Variants in GRM8 observed in about 807,000 individuals in gnomAD.
GRM8 encodes metabotropic glutamate receptor 8.
GRM8 carries 47 observed loss-of-function variants against 87.2 expected under a neutral mutation model. That is an observed-to-expected ratio of 0.54 (90% confidence interval 0.43 to 0.69). The LOEUF (loss-of-function observed/expected upper bound fraction) is 0.69. Among genes scored for constraint, GRM8 ranks in the 30% least tolerant of loss-of-function variants. The probability of loss-of-function intolerance (pLI) is 0.00; values close to 1 mark genes in which losing one functional copy is unlikely to be tolerated. For missense variants in GRM8, 1,019 were observed against 1,139.2 expected, an observed-to-expected ratio of 0.89 and a Z score of 1.52; for synonymous variants, 396 against 404.5, an observed-to-expected ratio of 0.98 and a Z score of 0.25.
chr7:127,223,551 C>G (rs1797103923), intron 2 of GRM8, among the ~76,000 whole-genome samples: 2 of 151,648 alleles, frequency 1.3e-5, no homozygotes, highest in Admixed American at 1.3e-4. Context: ...GTGAGGAGCC[C>G]CAACACCTCC....
Position 127,222,679 on chromosome 7 carries a change from A to C in GRM8, c.510+20016T>G, listed in dbSNP as rs1056188591. On this transcript the variant is annotated intron_variant, in intron 2 of 10. Transcript: ENST00000339582. ...AACTTATAACCTGCTTTGTAACAAT[A>C]ATGGCTATTCATGTATAGTGCCCAA... Among the ~76,000 whole-genome samples, 6 of 152,218 alleles carry C rather than the reference A, an allele frequency of 3.9e-5. No individual in the cohort carries two copies. The East Asian group carries it at 5.8e-4, about 15-fold the overall frequency.
intron 3 of GRM8, among the ~76,000 whole-genome samples, chr7:126,964,886 A>G (rs185805296): frequency 6.6e-6 from 1 of 152,348 alleles, no homozygotes; most frequent in African/African-American, 2.4e-5. Context: ...ACTATTCCCA[A>G]TAGCAAAGAC....
intron 2 of GRM8, among the ~76,000 whole-genome samples, chr7:127,221,857 T>C (rs1439528387): frequency 6.6e-6 from 1 of 152,092 alleles, no homozygotes; most frequent in Admixed American, 6.6e-5. Context: ...AGCCTAGAAG[T>C]CCACTCTTCC....
intron 9 of GRM8, among the ~76,000 whole-genome samples, chr7:126,527,456 G>A (rs746388919): frequency 3.3e-5 from 5 of 152,222 alleles, no homozygotes; most frequent in African/African-American, 4.8e-5. Flanking sequence ...ATACAATGTG[G>A]ATACTGATAA....
Position 126,902,450 on chromosome 7 carries a change from A to G in GRM8, c.1156+92T>C, listed in dbSNP as rs543955388. Reference sequence around the variant, plus strand: ...GACACAAAAAATAGAAAATACATTCATCATTATCCATATAGAAAAACGTAA... The same window carrying G: ...GACACAAAAAATAGAAAATACATTCGTCATTATCCATATAGAAAAACGTAA... On this transcript the variant is annotated intron_variant, in intron 6 of 10. Transcript: ENST00000339582. 3.0e-4 allele frequency: 303 copies of G among 1,024,286 alleles called. 1 individual carries two copies. Among genetic ancestry groups the G allele is most frequent in the Non-Finnish European group, 3.8e-4 (271 of 706,618 alleles). 63.4% of individuals were successfully genotyped at this position (1,024,286 alleles called of 1,614,324 possible).
At chr7:127,143,386 C>A (rs1353706171) in intron 2 of GRM8, among the ~76,000 whole-genome samples, 1 of 152,142 alleles carries the variant, frequency 6.6e-6, no homozygotes, top group Non-Finnish European at 1.5e-5. Context: ...TACTAAATCT[C>A]TTCAGAGATA....
At chr7:126,659,027 G>GCGCCCCGCCCCC (rs1028270209) in intron 7 of GRM8, among the ~76,000 whole-genome samples, 1 of 151,332 alleles carries the variant, frequency 6.6e-6, no homozygotes, top group African/African-American at 2.4e-5. Flanking sequence ...TAATATGGTT[G>GCGCCCCGCCCCC]CGCCCCGCCC....
At chr7:126,522,449 C>A (rs1813125421) in intron 9 of GRM8, among the ~76,000 whole-genome samples, 1 of 152,188 alleles carries the variant, frequency 6.6e-6, no homozygotes, top group Non-Finnish European at 1.5e-5. Flanking sequence ...GAAGTACAAA[C>A]ATGGCATAAA....
At chr7:126,576,488 G>T (rs903023508) in intron 8 of GRM8, among the ~76,000 whole-genome samples, 3 of 152,044 alleles carry the variant, frequency 2.0e-5, no homozygotes, top group African/African-American at 4.8e-5. Flanking sequence ...TCACCATGTT[G>T]CCCAGTCTGA....
At chr7:127,105,049 T>C (rs999108286) in intron 3 of GRM8, among the ~76,000 whole-genome samples, 2 of 152,226 alleles carry the variant, frequency 1.3e-5, no homozygotes, top group Admixed American at 6.5e-5. Flanking sequence ...AGTTTTCTCC[T>C]CTTGCTAAAT....
At chr7:126,768,097 C>A (rs919416672) in intron 7 of GRM8, among the ~76,000 whole-genome samples, 4 of 151,962 alleles carry the variant, frequency 2.6e-5, no homozygotes, top group Non-Finnish European at 5.9e-5. Flanking sequence ...GACACCTACT[C>A]CCTTCAGATT....
At position 126,563,714 on chromosome 7, in the gene GRM8, T is replaced by A. The variant is rs560731184; in HGVS notation, c.1495-29827A>T. Among the ~76,000 whole-genome samples, 7 of 152,316 alleles carry A rather than the reference T, an allele frequency of 4.6e-5. No individual in the cohort carries two copies. In the East Asian group the frequency reaches 1.2e-3, roughly 25 times the overall value. ...GACAGTTCTCCAACTGAACCACTTG[T>A]GGAGACTGCTGGTAGCTGCATAAAA... On this transcript the variant is annotated intron_variant, in intron 8 of 10. Transcript: ENST00000339582.
chr7:126,796,367 T>C lies in GRM8; in HGVS notation c.1157-26302A>G, dbSNP rs142154029. ...GTGAAATTCTAAAACTACCTTGATA[T>C]CTATTAGCATATAGCTCTAGATTTT... On this transcript the variant is annotated intron_variant, in intron 6 of 10. Transcript: ENST00000339582. Among the ~76,000 whole-genome samples the C allele has an allele frequency of 4.3e-3, 659 of 152,272 alleles. 16 individuals are homozygous for C. The highest frequency in any genetic ancestry group is 0.037 in the Admixed American group (558 of 15,276).
At chr7:127,234,518 GACAGA>G (rs1162297392) in intron 2 of GRM8, among the ~76,000 whole-genome samples, 2 of 152,214 alleles carry the variant, frequency 1.3e-5, no homozygotes, top group African/African-American at 4.8e-5. Context: ...GCTGCTGCCA[GACAGA>G]ACACTGTTAA....
At chr7:127,248,811 C>T (rs1035397174) in intron 1 of GRM8, among the ~76,000 whole-genome samples, 7 of 152,122 alleles carry the variant, frequency 4.6e-5, no homozygotes, top group East Asian at 3.8e-4. Flanking sequence ...ACCTTAACAA[C>T]GGTCACAGGT....
chr7:126,740,232 A>C (rs1390268289), intron 7 of GRM8, among the ~76,000 whole-genome samples: 1 of 152,114 alleles, frequency 6.6e-6, no homozygotes, highest in East Asian at 1.9e-4. Context: ...AACAATAAAA[A>C]TGCTTCTCAA....
At chr7:127,015,145 A>G (rs187426465) in intron 3 of GRM8, among the ~76,000 whole-genome samples, 5 of 137,750 alleles carry the variant, frequency 3.6e-5, no homozygotes, top group African/African-American at 1.1e-4. Context: ...AGGAAGAAGG[A>G]AGAAGGAAGA....
chr7:126,480,645 C>A (rs1224652774), intron 9 of GRM8, among the ~76,000 whole-genome samples: 1 of 151,844 alleles, frequency 6.6e-6, no homozygotes, highest in African/African-American at 2.4e-5. Flanking sequence ...TTAGAATGAC[C>A]CTTGTAATGT....
At chr7:127,211,214 T>C (rs1182464084) in intron 2 of GRM8, among the ~76,000 whole-genome samples, 2 of 152,106 alleles carry the variant, frequency 1.3e-5, no homozygotes, top group African/African-American at 2.4e-5. Context: ...ACCTCAAAAG[T>C]AGGGAAGCTG....
Sources: allele counts gnomAD v4.1 joint callset (sites outside exome capture counted in the v4.1 genomes callset), GRCh38; gene constraint gnomAD v4.1.1; transcripts MANE v1.5; gene names NCBI Gene and HGNC (gene_info 2026-07-23, HGNC 2026-07-21).